MEGF9: variants seen among roughly 807,000 people sequenced by gnomAD.
MEGF9 encodes multiple EGF like domains 9, also known as multiple epidermal growth factor-like domains protein 9.
MEGF9 carries 6 observed loss-of-function variants against 46.8 expected under a neutral mutation model. The ratio of observed to expected loss-of-function variants is 0.13; its 90% CI spans 0.07 to 0.25. MEGF9 has a LOEUF of 0.25. MEGF9 is among the 10% of genes least tolerant of loss of function. MEGF9 has a pLI of 1.00. For synonymous variants in MEGF9, 302 were observed against 330.7 expected (o/e 0.91, Z 0.94); for missense variants, 683 against 792.4 (o/e 0.86, Z 1.66).
chr9:120,713,891 C>T lies in MEGF9; in HGVS notation c.468G>A (p.Pro156=). ...GTACGGTGGTCGCTACAGGGGTGGT[C>T]GGCGCCGGGCCAGTGGTCGTCGAAA... ...TTLSTTTGPA[P]TTPVATTVPA... The change falls in exon 1 of 6, where the codon CCG becomes CCA. Residue 156 remains proline, a synonymous_variant. Coordinates refer to ENST00000373930, the MANE Select transcript of MEGF9 (RefSeq NM_001080497.3). 7.6e-7 allele frequency: 1 copy of T among 1,323,014 alleles called. No homozygotes were observed. Among genetic ancestry groups the T allele is most frequent in the Non-Finnish European group, 9.7e-7 (1 of 1,032,544 alleles). 82.0% of individuals were successfully genotyped at this position (1,323,014 alleles called of 1,614,324 possible).
chr9:120,611,552 A>G (rs984957948), intron 4 of MEGF9, among the ~76,000 whole-genome samples: 2 of 152,142 alleles, frequency 1.3e-5, no homozygotes, highest in Non-Finnish European at 2.9e-5. Context: ...AAATCCATAG[A>G]GCAGAAAAAG....
At chr9:120,657,129 A>C (rs151333427) in intron 2 of MEGF9, among the ~76,000 whole-genome samples, 42 of 152,370 alleles carry the variant, frequency 2.8e-4, no homozygotes, top group African/African-American at 9.4e-4. Context: ...ATAGCACAAA[A>C]GCAGCCATAG....
chr9:120,657,797 A>G (rs1397540418), intron 2 of MEGF9, among the ~76,000 whole-genome samples: 1 of 152,150 alleles, frequency 6.6e-6, no homozygotes, highest in Non-Finnish European at 1.5e-5. Flanking sequence ...GGTAGTGAAG[A>G]CACTGGACTT....
chr9:120,617,843 A>G (rs1236938118), intron 3 of MEGF9, among the ~76,000 whole-genome samples: 1 of 152,216 alleles, frequency 6.6e-6, no homozygotes, highest in African/African-American at 2.4e-5. Context: ...TGTTTTGAAG[A>G]TAGGGCTGAT....
chr9:120,711,871 A>ACATACACACACACACACACACACACC (rs145059704), intron 1 of MEGF9, among the ~76,000 whole-genome samples: 68 of 150,216 alleles, frequency 4.5e-4, no homozygotes, highest in African/African-American at 1.6e-3. Context: ...ACACACACAC[A>ACATACACACACACACACACACACACC]CCCACAGGCC....
chr9:120,632,889 C>T (rs1007892299), intron 2 of MEGF9, among the ~76,000 whole-genome samples: 13 of 152,154 alleles, frequency 8.5e-5, no homozygotes, highest in African/African-American at 2.7e-4. Context: ...TGATGTATCA[C>T]GTTTATTGAT....
intron 1 of MEGF9, among the ~76,000 whole-genome samples, chr9:120,666,947 CA>C (rs2043727810): frequency 6.6e-6 from 1 of 152,008 alleles, no homozygotes; most frequent in African/African-American, 2.4e-5. Flanking sequence ...GGGCTGACTA[CA>C]AAGGAGCAAT....
At chr9:120,651,943 G>A (rs1175830115) in intron 2 of MEGF9, among the ~76,000 whole-genome samples, 2 of 151,406 alleles carry the variant, frequency 1.3e-5, no homozygotes, top group Non-Finnish European at 2.9e-5. Flanking sequence ...GAGCCATCGC[G>A]CCTGGCCTGT....
At chr9:120,608,591 G>A (rs559941703) in intron 4 of MEGF9, among the ~76,000 whole-genome samples, 1 of 152,222 alleles carries the variant, frequency 6.6e-6, no homozygotes, top group East Asian at 1.9e-4. Context: ...ATTCCAATAT[G>A]TGTATGTGTA....
chr9:120,701,316 T>C (rs892089584), intron 1 of MEGF9, among the ~76,000 whole-genome samples: 4 of 152,178 alleles, frequency 2.6e-5, no homozygotes, highest in African/African-American at 9.7e-5. Flanking sequence ...CTTGGAAGCA[T>C]GTAAGACTGA....
intron 3 of MEGF9, among the ~76,000 whole-genome samples, chr9:120,621,276 C>A (rs528614386): frequency 6.6e-6 from 1 of 152,324 alleles, no homozygotes; most frequent in African/African-American, 2.4e-5. Context: ...GTATCACTTT[C>A]CTCTCTTTTT....
chr9:120,636,797 C>A (rs1403486275), intron 2 of MEGF9, among the ~76,000 whole-genome samples: 1 of 151,572 alleles, frequency 6.6e-6, no homozygotes, highest in African/African-American at 2.4e-5. Context: ...CGCCCGGCAG[C>A]CGCCCCGTCT....
chr9:120,710,191 G>A (rs1450798304), intron 1 of MEGF9, among the ~76,000 whole-genome samples: 1 of 151,918 alleles, frequency 6.6e-6, no homozygotes, highest in Non-Finnish European at 1.5e-5. Flanking sequence ...TACTTTGGGA[G>A]GCCAAGGTGG....
intron 1 of MEGF9, among the ~76,000 whole-genome samples, chr9:120,699,126 A>G (rs555766450): frequency 3.7e-4 from 57 of 152,322 alleles, no homozygotes; most frequent in South Asian, 3.3e-3. Context: ...TCTTAGATCA[A>G]AATAGATTTA....
intron 3 of MEGF9, among the ~76,000 whole-genome samples, chr9:120,617,802 A>G (rs2043478871): frequency 6.6e-6 from 1 of 152,210 alleles, no homozygotes; most frequent in Non-Finnish European, 1.5e-5. Context: ...TGATGCAATA[A>G]AAGTCATGAA....
At chr9:120,663,393 C>A (rs879293317) in intron 1 of MEGF9, among the ~76,000 whole-genome samples, 3 of 152,214 alleles carry the variant, frequency 2.0e-5, no homozygotes, top group Non-Finnish European at 2.9e-5. Context: ...AAAGTAAAAT[C>A]TCAGACCCTT....
At chr9:120,646,966 C>G (rs540467092) in intron 2 of MEGF9, among the ~76,000 whole-genome samples, 1 of 151,836 alleles carries the variant, frequency 6.6e-6, no homozygotes, top group Non-Finnish European at 1.5e-5. Context: ...CTATAAATAA[C>G]AAAATTTTAA....
chr9:120,695,603 C>CAAAAA lies in MEGF9; in HGVS notation c.601+18150_601+18154dup, dbSNP rs370281228. Among the ~76,000 whole-genome samples the CAAAAA allele has an allele frequency of 2.4e-3, 45 of 18,688 alleles. 8 individuals carry two copies. The highest frequency in any genetic ancestry group is 5.1e-3 in the Non-Finnish European group (33 of 6,436). The allele number at this position is 18,688 out of a possible 152,430, so 12.3% of individuals were successfully genotyped here. A position where few individuals can be genotyped will look rare whatever the true frequency, so the allele number is the denominator to read the frequency against. ...TGGGTGACAGTGTGAGACCCCATCTCAAAAAAAAAAAAAAAAAAAAAAAAA... is the reference window on the plus strand; with the variant it reads ...TGGGTGACAGTGTGAGACCCCATCTCAAAAAAAAAAAAAAAAAAAAAAAAAAAAAA... On this transcript the variant is annotated intron_variant, in intron 1 of 5. Transcript: ENST00000373930.
chr9:120,668,573 C>T (rs1403431386), intron 1 of MEGF9, among the ~76,000 whole-genome samples: 2 of 152,066 alleles, frequency 1.3e-5, no homozygotes, highest in African/African-American at 4.8e-5. Flanking sequence ...AGTGCTTGTC[C>T]CTGGCTCACT....
Sources: allele counts gnomAD v4.1 joint callset (sites outside exome capture counted in the v4.1 genomes callset), GRCh38; gene constraint gnomAD v4.1.1; transcripts MANE v1.5; gene names NCBI Gene and HGNC (gene_info 2026-07-23, HGNC 2026-07-21).